Variants in RGS6 observed in about 807,000 individuals in gnomAD.
RGS6 encodes the protein regulator of G protein signaling 6.
Under a neutral mutation model 78.5 loss-of-function variants are expected in RGS6, and 30 were observed. The observed-to-expected ratio is 0.38, with a 90% CI of 0.29 to 0.52. RGS6 has a LOEUF of 0.52. RGS6 is among the 20% of genes least tolerant of loss of function. The pLI is 0.85. For missense variants in RGS6, 495 were observed against 609.7 expected, an observed-to-expected ratio of 0.81 and a Z score of 1.98; for synonymous variants, 206 against 206.0, an observed-to-expected ratio of 1.00 and a Z score of 0.00.
At chr14:72,230,638 C>T (rs920322906) in intron 2 of RGS6, among the ~76,000 whole-genome samples, 4 of 152,170 alleles carry the variant, frequency 2.6e-5, no homozygotes, top group African/African-American at 9.7e-5. Context: ...GGGGGTTGCA[C>T]ATCTGAAATC....
chr14:72,604,162 G>A, the RGS6 span, among the ~76,000 whole-genome samples: 5 of 152,150 alleles, frequency 3.3e-5, no homozygotes, highest in African/African-American at 1.2e-4. Flanking sequence ...GGCCCTCTGT[G>A]TGTCATGTGG....
chr14:72,412,094 G>A (rs12589443), intron 3 of RGS6, among the ~76,000 whole-genome samples: 25,049 of 152,062 alleles, frequency 0.16, 2,624 homozygotes, highest in South Asian at 0.33. Context: ...AATGAGTTAG[G>A]AAGGATTCCG....
chr14:72,201,137 T>C (rs1402870555), intron 2 of RGS6, among the ~76,000 whole-genome samples: 1 of 152,166 alleles, frequency 6.6e-6, no homozygotes, highest in Non-Finnish European at 1.5e-5. Context: ...TGGAAAGCAA[T>C]AGCAGATGGC....
intron 2 of RGS6, among the ~76,000 whole-genome samples, chr14:72,173,003 G>A (rs191674327): frequency 3.9e-5 from 6 of 152,270 alleles, no homozygotes; most frequent in Admixed American, 2.6e-4. Flanking sequence ...CCTACCTGGG[G>A]CAGGGCTGCT....
chr14:72,076,143 A>G (rs978052897), intron 2 of RGS6, among the ~76,000 whole-genome samples: 1 of 152,182 alleles, frequency 6.6e-6, no homozygotes, highest in South Asian at 2.1e-4. Flanking sequence ...TCATGCCATT[A>G]CTAGAGGGAG....
intron 3 of RGS6, among the ~76,000 whole-genome samples, chr14:72,448,375 C>A (rs1333934675): frequency 6.6e-6 from 1 of 152,228 alleles, no homozygotes; most frequent in African/African-American, 2.4e-5. Flanking sequence ...CACTGTGTTT[C>A]TCCACCTGTG....
chr14:72,405,299 A>G (rs184296914), intron 3 of RGS6, among the ~76,000 whole-genome samples: 42 of 152,288 alleles, frequency 2.8e-4, no homozygotes, highest in Admixed American at 1.5e-3. Context: ...AGAGGACCTG[A>G]CAGCAGTATT....
chr14:72,478,524 A>AATGT (rs1404139875), intron 12 of RGS6, among the ~76,000 whole-genome samples, 195 bp downstream of exon 12: 7 of 152,148 alleles, frequency 4.6e-5, no homozygotes, highest in Non-Finnish European at 1.0e-4. Context: ...GATGTCAAGA[A>AATGT]ATGTTCCGTT....
At chr14:72,545,454 G>A (rs1327891171) in intron 17 of RGS6, among the ~76,000 whole-genome samples, 2 of 152,086 alleles carry the variant, frequency 1.3e-5, no homozygotes, top group Non-Finnish European at 2.9e-5. Context: ...CAAATCACTA[G>A]CCCTCTCTGA....
At chr14:72,187,876 A>G (rs1286531554) in intron 2 of RGS6, among the ~76,000 whole-genome samples, 2 of 151,802 alleles carry the variant, frequency 1.3e-5, no homozygotes, top group African/African-American at 4.9e-5. Context: ...ATTTGCAGAC[A>G]TGTGTGGAAC....
At chr14:72,166,811 T>G (rs1433567848) in intron 2 of RGS6, among the ~76,000 whole-genome samples, 1 of 152,244 alleles carries the variant, frequency 6.6e-6, no homozygotes, top group Non-Finnish European at 1.5e-5. Context: ...ACCACCATTC[T>G]ATTTTCTTCT....
intron 2 of RGS6, among the ~76,000 whole-genome samples, chr14:72,102,688 C>G (rs779644645): frequency 6.6e-6 from 1 of 152,144 alleles, no homozygotes; most frequent in Non-Finnish European, 1.5e-5. Flanking sequence ...TGAAAGTTTT[C>G]ACACGTACAC....
intron 3 of RGS6, among the ~76,000 whole-genome samples, chr14:72,396,835 G>C (rs1417917687): frequency 1.3e-5 from 2 of 152,182 alleles, no homozygotes; most frequent in Non-Finnish European, 2.9e-5. Flanking sequence ...TGTCAGGTTT[G>C]TCAAAGATCA....
the RGS6 span, among the ~76,000 whole-genome samples, chr14:71,921,833 G>A: frequency 2.0e-5 from 3 of 152,158 alleles, no homozygotes; most frequent in African/African-American, 7.2e-5. Flanking sequence ...CTACAAAAGC[G>A]ATTTTTGATA....
intron 2 of RGS6, among the ~76,000 whole-genome samples, chr14:71,978,154 G>T: frequency 7.1e-6 from 1 of 139,868 alleles, no homozygotes; most frequent in South Asian, 2.6e-4. Context: ...AGCTTAAAGA[G>T]ATTTTGGGCT....
At chr14:71,957,841 G>C (rs972104081) in intron 1 of RGS6, among the ~76,000 whole-genome samples, 2 of 152,038 alleles carry the variant, frequency 1.3e-5, no homozygotes, top group Non-Finnish European at 2.9e-5. Flanking sequence ...TCATAGCTCA[G>C]TGTAGCCTCC....
At chr14:71,952,820 T>TA (rs1213726772) in intron 1 of RGS6, among the ~76,000 whole-genome samples, 1 of 149,756 alleles carries the variant, frequency 6.7e-6, no homozygotes, top group African/African-American at 2.5e-5. Context: ...TGTTCCTTTT[T>TA]AAAAAAGAAA....
chr14:72,337,638 T>G (rs557874759), intron 2 of RGS6, among the ~76,000 whole-genome samples: 2 of 151,922 alleles, frequency 1.3e-5, no homozygotes, highest in South Asian at 4.2e-4. Context: ...GGCCCAGGGG[T>G]TTTCCTAGGC....
At chr14:72,014,550 G>A (rs2086560922) in intron 2 of RGS6, among the ~76,000 whole-genome samples, 1 of 152,170 alleles carries the variant, frequency 6.6e-6, no homozygotes, top group Non-Finnish European at 1.5e-5. Flanking sequence ...TGCTGGTTTT[G>A]TTTAGGGCAA....
Sources: gnomAD v4.1 joint callset for allele counts (sites outside exome capture counted in the v4.1 genomes callset) on GRCh38, gnomAD v4.1.1 for gene constraint, MANE v1.5 for transcripts, NCBI Gene and HGNC (gene_info 2026-07-23, HGNC 2026-07-21) for gene names.